The following LIFR variants were observed in gnomAD, a reference collection of about 807,000 sequenced individuals.
LIFR encodes LIF receptor subunit alpha.
A neutral mutation model predicts 122.2 loss-of-function variants in LIFR; 84 were observed. The observed-to-expected ratio is 0.69, with a 90% CI of 0.58 to 0.82. LIFR has a LOEUF of 0.82. LIFR is among the 40% of genes least tolerant of loss of function. The pLI is 0.00. For synonymous variants in LIFR, 422 were observed against 434.7 expected, an observed-to-expected ratio of 0.97 and a Z score of 0.36; for missense variants, 1,294 against 1,311.6, an observed-to-expected ratio of 0.99 and a Z score of 0.21.
chr5:38,594,630 AG>A (rs1316071214), intron 1 of LIFR, among the ~76,000 whole-genome samples: 6 of 152,300 alleles, frequency 3.9e-5, no homozygotes, highest in Admixed American at 3.3e-4. Context: ...CTAAGAAATA[AG>A]GTCTAGTAAT....
intron 2 of LIFR, among the ~76,000 whole-genome samples, chr5:38,529,266 GAAAAAAC>G (rs1746873902): frequency 1.3e-5 from 2 of 151,588 alleles, no homozygotes; most frequent in Admixed American, 1.3e-4. Context: ...CCCACTTAAG[GAAAAAAC>G]AAAAAACAAA....
At chr5:38,589,092 G>A (rs1749841143) in intron 1 of LIFR, among the ~76,000 whole-genome samples, 1 of 151,268 alleles carries the variant, frequency 6.6e-6, no homozygotes, top group South Asian at 2.1e-4. Context: ...TGGCCTCCTG[G>A]GTTCATGCCA....
chr5:38,598,751 TA>T (rs1411663339), upstream of LIFR, among the ~76,000 whole-genome samples: 9 of 152,182 alleles, frequency 5.9e-5, no homozygotes, highest in Non-Finnish European at 1.0e-4. Context: ...GCACTTCCCC[TA>T]GCATAGGATG....
At chr5:38,554,114 CA>C (rs1323281243) in intron 1 of LIFR, among the ~76,000 whole-genome samples, 2 of 152,164 alleles carry the variant, frequency 1.3e-5, no homozygotes, top group Non-Finnish European at 2.9e-5. Flanking sequence ...TCTCTACGTT[CA>C]AAAATATTTA....
At position 38,504,003 on chromosome 5, in the gene LIFR, A is replaced by C. The variant is rs1462616189; in HGVS notation, c.1410T>G (p.Ile470Met). 4.4e-6 allele frequency: 7 copies of C among 1,581,384 alleles called. No homozygotes were observed. The highest frequency in any genetic ancestry group is 6.1e-6 in the Non-Finnish European group (7 of 1,150,584). The change falls in exon 10 of 20, where the codon ATT becomes ATG. Residue 470 changes from isoleucine (I) to methionine (M), a missense_variant. By Grantham distance (10) the Ile-to-Met change is conservative. Transcript: ENST00000453190. ...GCTCTTGTACTGAATTAGATTTCTT[A>C]ATTTCAATTTCACATAAAAAATTAA... ...AKINFLCEIE[I>M]KKSNSVQEQR...
chr5:38,536,656 C>A (rs917963135), intron 1 of LIFR, among the ~76,000 whole-genome samples: 8 of 152,086 alleles, frequency 5.3e-5, no homozygotes, highest in African/African-American at 1.9e-4. Flanking sequence ...TTGTTTGGAC[C>A]CAGCTATTTC....
chr5:38,536,939 C>G (rs1233336811), intron 1 of LIFR, among the ~76,000 whole-genome samples: 1 of 152,156 alleles, frequency 6.6e-6, no homozygotes, highest in Admixed American at 6.5e-5. Flanking sequence ...GTCTATTATT[C>G]AAATAGAATA....
At chr5:38,571,554 A>G (rs1456900945) in intron 1 of LIFR, among the ~76,000 whole-genome samples, 2 of 142,932 alleles carry the variant, frequency 1.4e-5, no homozygotes, top group African/African-American at 2.6e-5. Flanking sequence ...AAAAAAAAGC[A>G]CTAGCCTCCT....
rs1259888483 is a variant in LIFR at position 38,548,941 on chromosome 5, A to G, written c.-20+7393T>C. Among the ~76,000 whole-genome samples the G allele has an allele frequency of 3.9e-5, 6 of 152,228 alleles. No individual in the cohort carries two copies. The East Asian group carries it at 9.7e-4, about 25-fold the overall frequency. Reference sequence around the variant, plus strand: ...GAATAGAATACTGGCTTTAATCACCATATCAGATCAGTGAGATCAAGGTAA... The same window carrying G: ...GAATAGAATACTGGCTTTAATCACCGTATCAGATCAGTGAGATCAAGGTAA... On this transcript the variant is annotated intron_variant, in intron 1 of 19. Coordinates refer to ENST00000453190, the MANE Select transcript of LIFR (RefSeq NM_001127671.2).
intron 16 of LIFR, 68 bp downstream of exon 16, chr5:38,489,009 CT>C: frequency 1.2e-5 from 16 of 1,364,094 alleles, no homozygotes; most frequent in Non-Finnish European, 1.5e-5. Flanking sequence ...CAGGACTTTC[CT>C]TTTTTTTCTG....
At chr5:38,577,268 G>A (rs1749418252) in intron 1 of LIFR, among the ~76,000 whole-genome samples, 1 of 152,190 alleles carries the variant, frequency 6.6e-6, no homozygotes, top group South Asian at 2.1e-4. Flanking sequence ...GATATTTGAA[G>A]CTACGTTTTG....
intron 2 of LIFR, among the ~76,000 whole-genome samples, chr5:38,605,805 C>T (rs1272328715): frequency 6.6e-6 from 1 of 152,182 alleles, no homozygotes; most frequent in African/African-American, 2.4e-5. Flanking sequence ...CCATTTGTCT[C>T]TTACCAACCC....
At chr5:38,509,021 A>ATG (rs906236526) in intron 7 of LIFR, among the ~76,000 whole-genome samples, 1 of 152,296 alleles carries the variant, frequency 6.6e-6, no homozygotes, top group Non-Finnish European at 1.5e-5. Context: ...CTGAAGGGAG[A>ATG]TGTTACTGCT....
chr5:38,482,948 T>C (rs1184881255), intron 18 of LIFR, among the ~76,000 whole-genome samples: 1 of 152,228 alleles, frequency 6.6e-6, no homozygotes, highest in Non-Finnish European at 1.5e-5. Context: ...GGCTGTGCCA[T>C]CTAGTCCAAA....
intron 1 of LIFR, among the ~76,000 whole-genome samples, chr5:38,585,251 C>T (rs1316731351): frequency 1.3e-5 from 2 of 152,188 alleles, no homozygotes; most frequent in Non-Finnish European, 2.9e-5. Context: ...GTACAAATTA[C>T]ATCCATTTAA....
rs1235150723 is a variant in LIFR at position 38,476,399 on chromosome 5, A to T, written c.*5196T>A. ...GCTGAAAGTTACCCATTTAAAATGG[A>T]ATAATTCTTAACGGAAGTACACTTT... On this transcript the variant is annotated 3_prime_UTR_variant, in exon 20 of 20. Transcript: ENST00000453190. 3 of 208,814 alleles carry T rather than the reference A, an allele frequency of 1.4e-5. No homozygotes were observed. In the Admixed American group the frequency reaches 1.8e-4, roughly 12 times the overall value. 12.9% of individuals were successfully genotyped at this position (208,814 alleles called of 1,614,324 possible).
chr5:38,600,283 C>T (rs1286625758), upstream of LIFR, among the ~76,000 whole-genome samples: 1 of 152,198 alleles, frequency 6.6e-6, no homozygotes, highest in Non-Finnish European at 1.5e-5. Context: ...CCCCAAGCAC[C>T]TTGGACACAT....
intron 5 of LIFR, among the ~76,000 whole-genome samples, chr5:38,517,112 G>C (rs1265062796): frequency 2.0e-5 from 3 of 151,924 alleles, no homozygotes; most frequent in Non-Finnish European, 4.4e-5. Context: ...TGTAGATGAT[G>C]GATTGATGAG....
chr5:38,604,926 A>G (rs1483746962), intron 2 of LIFR, among the ~76,000 whole-genome samples: 1 of 152,144 alleles, frequency 6.6e-6, no homozygotes. Flanking sequence ...CTTCCAGGTC[A>G]TAGGTAAATT....
Sources: allele counts gnomAD v4.1 joint callset (sites outside exome capture counted in the v4.1 genomes callset), GRCh38; gene constraint gnomAD v4.1.1; transcripts MANE v1.5; gene names NCBI Gene and HGNC (gene_info 2026-07-23, HGNC 2026-07-21).